Variants in CHEK1 observed in about 807,000 individuals in gnomAD.
CHEK1 encodes the protein serine/threonine-protein kinase Chk1.
A neutral mutation model predicts 60.2 loss-of-function variants in CHEK1; 32 were observed. The ratio of observed to expected loss-of-function variants is 0.53; its 90% CI spans 0.40 to 0.71. CHEK1 has a LOEUF of 0.71. Ranked by LOEUF, CHEK1 falls within the 30% of genes least tolerant of loss-of-function variation. The pLI is 0.00. For synonymous variants in CHEK1, 179 were observed against 187.2 expected (o/e 0.96, Z 0.36); for missense variants, 399 against 564.6 (o/e 0.71, Z 2.97).
chr11:125,644,419 A>G (rs1258037449), intron 10 of CHEK1, 93 bp from the exon 11 acceptor site: 3 of 1,511,796 alleles, frequency 2.0e-6, no homozygotes, highest in East Asian at 2.3e-5. Context: ...GGAGGCCTTC[A>G]TGCAAAATAA....
At chr11:125,672,641 C>T (rs1942253306) in intron 13 of CHEK1, 2 of 1,614,020 alleles carry the variant, frequency 1.2e-6, no homozygotes, top group Non-Finnish European at 1.7e-6. Flanking sequence ...TAATTTGCAT[C>T]CTCGTTCCAT....
chr11:125,657,363 G>C (rs573805835), downstream of CHEK1, among the ~76,000 whole-genome samples: 85 of 152,038 alleles, frequency 5.6e-4, no homozygotes, highest in Non-Finnish European at 1.0e-3. Flanking sequence ...TCAATGTGCA[G>C]TTGTAAAGTT....
chr11:125,638,087 C>T (rs1179217507), intron 8 of CHEK1, among the ~76,000 whole-genome samples: 1 of 152,070 alleles, frequency 6.6e-6, no homozygotes, highest in Non-Finnish European at 1.5e-5. Context: ...CCAGAGAGGT[C>T]GCTAGTGGCC....
intron 5 of CHEK1, among the ~76,000 whole-genome samples, chr11:125,630,538 T>C (rs1459939264): frequency 6.6e-6 from 1 of 152,108 alleles, no homozygotes; most frequent in African/African-American, 2.4e-5. Context: ...CTCGAGCTCC[T>C]GGCCTCAAGT....
chr11:125,632,103 TATA>T (rs1014185124), intron 5 of CHEK1, among the ~76,000 whole-genome samples: 5 of 152,294 alleles, frequency 3.3e-5, no homozygotes, highest in Admixed American at 2.0e-4. Flanking sequence ...TTTTTTATGC[TATA>T]ATATTTTTTA....
At chr11:125,645,496 A>G (rs1479245965) in intron 11 of CHEK1, among the ~76,000 whole-genome samples, 2 of 152,228 alleles carry the variant, frequency 1.3e-5, no homozygotes, top group African/African-American at 4.8e-5. Flanking sequence ...ACTAAGTGCA[A>G]GTGCAATGCA....
At chr11:125,672,548 G>A in intron 13 of CHEK1, 1 of 1,608,572 alleles carries the variant, frequency 6.2e-7, no homozygotes. Flanking sequence ...TAGAGTGATG[G>A]AGGCTTTTTA....
intron 1 of CHEK1, 45 bp from the exon 2 acceptor site, chr11:125,626,704 G>A (rs776164502): frequency 6.9e-6 from 11 of 1,585,084 alleles, no homozygotes; most frequent in Non-Finnish European, 8.7e-6. Context: ...GGCTTCACTG[G>A]TGATCTTACA....
At chr11:125,651,819 T>C (rs2136055185) in intron 11 of CHEK1, among the ~76,000 whole-genome samples, 1 of 152,330 alleles carries the variant, frequency 6.6e-6, no homozygotes, top group South Asian at 2.1e-4. Context: ...AGCTTTTAGC[T>C]AGTTTACAAT....
downstream of CHEK1, among the ~76,000 whole-genome samples, chr11:125,657,600 G>A (rs891986726): frequency 3.9e-5 from 6 of 151,914 alleles, no homozygotes; most frequent in African/African-American, 1.2e-4. Context: ...TTTTATTAAC[G>A]AACTTTATAT....
In CHEK1 at chr11:125,653,481, G is replaced by A. The variant is rs1347065177; in HGVS notation, c.1234-265G>A. 2.6e-5 allele frequency among the ~76,000 whole-genome samples: 4 copies of A among 152,148 alleles called. No homozygotes were observed. Among genetic ancestry groups the A allele is most frequent in the Non-Finnish European group, 4.4e-5 (3 of 68,016 alleles). ...CCTCCCAAAGTGCTGGATTACAGGCGTGAGCCACAGTGCCTGGCCTACACT... is the reference window on the plus strand; with the variant it reads ...CCTCCCAAAGTGCTGGATTACAGGCATGAGCCACAGTGCCTGGCCTACACT... On this transcript the variant is annotated intron_variant, in intron 11 of 12. Transcript: ENST00000438015. This position sits in a 1 kb window ranked among gnomAD's most constrained non-coding sequence, Gnocchi z 4.3.
chr11:125,626,614 G>A, intron 1 of CHEK1, 135 bp from the exon 2 acceptor site: 1 of 715,044 alleles, frequency 1.4e-6, no homozygotes, highest in South Asian at 1.7e-5. Flanking sequence ...GAAAGACTTG[G>A]ATAAATGTGG....
intron 13 of CHEK1, among the ~76,000 whole-genome samples, chr11:125,673,564 T>C (rs886550131): frequency 6.6e-6 from 1 of 152,086 alleles, no homozygotes; most frequent in Non-Finnish European, 1.5e-5. Flanking sequence ...GCTCATCTAC[T>C]CCTCTGGATC....
At chr11:125,679,975 TA>T (rs1172290949), downstream of CHEK1, among the ~76,000 whole-genome samples, 1 of 152,212 alleles carries the variant, frequency 6.6e-6, no homozygotes, top group African/African-American at 2.4e-5. Context: ...AAAGGAGACA[TA>T]AAAAGCATGC....
At chr11:125,674,432 G>A (rs890321292) in intron 13 of CHEK1, among the ~76,000 whole-genome samples, 2 of 152,224 alleles carry the variant, frequency 1.3e-5, no homozygotes, top group African/African-American at 2.4e-5. Context: ...TCAGGCTGAA[G>A]CATAACTGGA....
At chr11:125,680,660 C>T, downstream of CHEK1, 1 of 1,428,306 alleles carries the variant, frequency 7.0e-7, no homozygotes. Flanking sequence ...GGTCTTCCTT[C>T]TTCAAGGCCT....
At chr11:125,626,987 T>C (rs1183867465) in intron 2 of CHEK1, among the ~76,000 whole-genome samples, 154 bp downstream of exon 2, 1 of 151,974 alleles carries the variant, frequency 6.6e-6, no homozygotes, top group Non-Finnish European at 1.5e-5. Flanking sequence ...ATTTTTTCCT[T>C]CCCTTTAAAA....
intron 13 of CHEK1, among the ~76,000 whole-genome samples, chr11:125,675,423 A>T (rs1299047923): frequency 6.6e-6 from 1 of 152,188 alleles, no homozygotes; most frequent in Non-Finnish European, 1.5e-5. Flanking sequence ...AGTTCATGGT[A>T]TGTGTCATTA....
At chr11:125,680,798 G>GGGGA (rs755564336), downstream of CHEK1, 5 of 1,611,808 alleles carry the variant, frequency 3.1e-6, no homozygotes, top group Non-Finnish European at 4.2e-6. Context: ...TAGGAAAAGA[G>GGGGA]GGGACCCCAG....
Sources: allele counts gnomAD v4.1 joint callset (sites outside exome capture counted in the v4.1 genomes callset), GRCh38; gene constraint gnomAD v4.1.1; non-coding constraint Gnocchi (gnomAD v3.1); transcripts MANE v1.5; gene names NCBI Gene and HGNC (gene_info 2026-07-23, HGNC 2026-07-21).